The following EFNA5 variants were observed in gnomAD, a reference collection of about 807,000 sequenced individuals.
EFNA5 encodes ephrin-A5.
Under a neutral mutation model 22.9 loss-of-function variants are expected in EFNA5, and 5 were observed. The observed-to-expected ratio is 0.22, with a 90% CI of 0.11 to 0.46. The LOEUF (loss-of-function observed/expected upper bound fraction) is 0.46. Ranked by LOEUF, EFNA5 falls within the 20% of genes least tolerant of loss-of-function variation. EFNA5 has a pLI of 0.99. For synonymous variants in EFNA5, 113 were observed against 112.2 expected (o/e 1.01, Z -0.04); for missense variants, 237 against 293.3 (o/e 0.81, Z 1.40).
intron 1 of EFNA5, among the ~76,000 whole-genome samples, chr5:107,565,210 C>CA (rs934869132): frequency 4.0e-5 from 6 of 151,820 alleles, no homozygotes; most frequent in Admixed American, 6.5e-5. Flanking sequence ...ACACCAGGAA[C>CA]AAAAAAAATA....
intron 2 of EFNA5, among the ~76,000 whole-genome samples, chr5:107,425,053 T>A (rs1026955332): frequency 1.3e-5 from 2 of 152,212 alleles, no homozygotes; most frequent in Non-Finnish European, 2.9e-5. Flanking sequence ...AAGCTCTTCA[T>A]ATTTTGAAGC....
Position 107,596,487 on chromosome 5 carries a change from G to A in EFNA5, c.125+74002C>T, listed in dbSNP as rs535013301. Among the ~76,000 whole-genome samples, 14 of 152,052 alleles carry A rather than the reference G, an allele frequency of 9.2e-5. No homozygotes were observed. In the South Asian group the frequency reaches 1.2e-3, roughly 14 times the overall value. ...AATATTCCATGGTATATAAATATAC[G>A]CCACATTTTCTTTATCCATTCATCC... On this transcript the variant is annotated intron_variant, in intron 1 of 4. Transcript: ENST00000333274.
chr5:107,619,565 C>T (rs1192078945), intron 1 of EFNA5, among the ~76,000 whole-genome samples: 1 of 151,594 alleles, frequency 6.6e-6, no homozygotes, highest in Non-Finnish European at 1.5e-5. Flanking sequence ...TGAGTTCACG[C>T]GATTCTCCTG....
chr5:107,531,909 T>G (rs1001584100), intron 1 of EFNA5, among the ~76,000 whole-genome samples: 5 of 152,220 alleles, frequency 3.3e-5, no homozygotes, highest in African/African-American at 1.2e-4. Context: ...ATTACTGAGT[T>G]CTACAAATTA....
At position 107,527,297 on chromosome 5, in the gene EFNA5, T is replaced by C. The variant is rs111881332; in HGVS notation, c.126-99788A>G. ...AACCTTTTTTTCTTTTTTCTTTTTTTTTTTTGAGATGGAGTCTCGGGCACT... is the reference window on the plus strand; with the variant it reads ...AACCTTTTTTTCTTTTTTCTTTTTTCTTTTTGAGATGGAGTCTCGGGCACT... On this transcript the variant is annotated intron_variant, in intron 1 of 4. Coordinates refer to ENST00000333274, the MANE Select transcript of EFNA5 (RefSeq NM_001962.3). Among the ~76,000 whole-genome samples, 322 of 151,524 alleles carry C rather than the reference T, an allele frequency of 2.1e-3. 2 individuals are homozygous for C. Among genetic ancestry groups the C allele is most frequent in the African/African-American group, 5.5e-3 (226 of 41,154 alleles).
chr5:107,503,112 G>A (rs1225451325), intron 1 of EFNA5, among the ~76,000 whole-genome samples: 1 of 152,186 alleles, frequency 6.6e-6, no homozygotes, highest in Non-Finnish European at 1.5e-5. Context: ...GGCACAGGGT[G>A]CAGTTTCAGC....
At chr5:107,581,214 C>T (rs1749068194) in intron 1 of EFNA5, among the ~76,000 whole-genome samples, 1 of 152,162 alleles carries the variant, frequency 6.6e-6, no homozygotes, top group African/African-American at 2.4e-5. Context: ...GCATTTTTCA[C>T]CTTGGAACAA....
chr5:107,652,469 C>G (rs915067132), intron 1 of EFNA5, among the ~76,000 whole-genome samples: 1 of 149,890 alleles, frequency 6.7e-6, no homozygotes, highest in Admixed American at 6.6e-5. Context: ...ATATTAGTGG[C>G]CTGAATGAAG....
At chr5:107,610,063 T>C (rs1268390583) in intron 1 of EFNA5, among the ~76,000 whole-genome samples, 1 of 152,192 alleles carries the variant, frequency 6.6e-6, no homozygotes, top group Non-Finnish European at 1.5e-5. Flanking sequence ...TCCTTCAAAG[T>C]GTAACCCCAA....
intron 2 of EFNA5, among the ~76,000 whole-genome samples, chr5:107,418,441 C>T (rs909874831): frequency 2.0e-5 from 3 of 152,146 alleles, no homozygotes; most frequent in Non-Finnish European, 4.4e-5. Context: ...GATGCAACCA[C>T]GTTTGACATT....
At chr5:107,630,789 A>AT (rs1376243181) in intron 1 of EFNA5, among the ~76,000 whole-genome samples, 1 of 152,216 alleles carries the variant, frequency 6.6e-6, no homozygotes, top group African/African-American at 2.4e-5. Flanking sequence ...TGAAACACAA[A>AT]TACATTGTAC....
chr5:107,496,615 G>A (rs1330120593), intron 1 of EFNA5, among the ~76,000 whole-genome samples: 1 of 152,182 alleles, frequency 6.6e-6, no homozygotes, highest in Non-Finnish European at 1.5e-5. Context: ...ATACAAAGAT[G>A]CCTTTTGTGG....
intron 1 of EFNA5, among the ~76,000 whole-genome samples, chr5:107,527,521 G>A (rs1561422694): frequency 6.6e-6 from 1 of 152,028 alleles, no homozygotes; most frequent in Non-Finnish European, 1.5e-5. Flanking sequence ...GCCTGACCTT[G>A]TGATCCACCC....
At chr5:107,664,134 CCACT>C (rs1193133524) in intron 1 of EFNA5, among the ~76,000 whole-genome samples, 6 of 151,986 alleles carry the variant, frequency 3.9e-5, no homozygotes, top group Non-Finnish European at 7.4e-5. Flanking sequence ...GAATTTGCAT[CCACT>C]CAAATTTTTC....
At chr5:107,396,477 T>TG (rs1270481096) in intron 2 of EFNA5, among the ~76,000 whole-genome samples, 1 of 152,216 alleles carries the variant, frequency 6.6e-6, no homozygotes, top group Non-Finnish European at 1.5e-5. Context: ...CTGCGCTTAC[T>TG]GGGGCCTCTG....
chr5:107,642,815 T>G (rs1750554921), intron 1 of EFNA5, among the ~76,000 whole-genome samples: 1 of 152,128 alleles, frequency 6.6e-6, no homozygotes, highest in Non-Finnish European at 1.5e-5. Context: ...TAGGGATCAC[T>G]TTAAACAGAG....
At chr5:107,424,030 T>A (rs1464152808) in intron 2 of EFNA5, among the ~76,000 whole-genome samples, 1 of 152,110 alleles carries the variant, frequency 6.6e-6, no homozygotes, top group Non-Finnish European at 1.5e-5. Flanking sequence ...ATGTCCTCTC[T>A]AAGTAATGAG....
chr5:107,592,654 A>G (rs908753449), intron 1 of EFNA5, among the ~76,000 whole-genome samples: 1 of 152,204 alleles, frequency 6.6e-6, no homozygotes, highest in Non-Finnish European at 1.5e-5. Context: ...TGACTGCCAA[A>G]GAGATGCAGG....
At chr5:107,577,118 G>A (rs948765733) in intron 1 of EFNA5, among the ~76,000 whole-genome samples, 17 of 152,288 alleles carry the variant, frequency 1.1e-4, no homozygotes, top group South Asian at 8.3e-4. Flanking sequence ...ATTGTGAAAT[G>A]TAAATCAGAA....
Sources: allele counts gnomAD v4.1 joint callset (sites outside exome capture counted in the v4.1 genomes callset), GRCh38; gene constraint gnomAD v4.1.1; transcripts MANE v1.5; gene names NCBI Gene and HGNC (gene_info 2026-07-23, HGNC 2026-07-21).